Variants in PRORP observed in about 807,000 individuals in gnomAD.
PRORP encodes mitochondrial ribonuclease P catalytic subunit.
In PRORP, 51 loss-of-function variants were observed where a neutral mutation model predicts 59.4. The ratio of observed to expected loss-of-function variants is 0.86; its 90% CI spans 0.69 to 1.08. The LOEUF (loss-of-function observed/expected upper bound fraction) is 1.08. Ranked by LOEUF, PRORP falls within the 50% of genes least tolerant of loss-of-function variation. The pLI is 0.00. For synonymous variants in PRORP, 231 were observed against 245.6 expected, an observed-to-expected ratio of 0.94 and a Z score of 0.55; for missense variants, 646 against 690.3, an observed-to-expected ratio of 0.94 and a Z score of 0.72.
In PRORP at chr14:35,275,484, A is replaced by T. The variant is rs1594368805; in HGVS notation, c.*1918A>T. On this transcript the variant is annotated 3_prime_UTR_variant, in exon 8 of 8. Coordinates refer to ENST00000534898, the MANE Select transcript of PRORP (RefSeq NM_014672.4). Reference sequence around the variant, plus strand: ...AAAGATACTGCAAAAGCTCTAATAAATTCAGTCTGCTTATTTTCCAAATTT... The same window carrying T: ...AAAGATACTGCAAAAGCTCTAATAATTTCAGTCTGCTTATTTTCCAAATTT... The T allele has an allele frequency of 6.6e-6, 1 of 152,364 alleles. No homozygotes were observed. Among genetic ancestry groups the T allele is most frequent in the Non-Finnish European group, 1.5e-5 (1 of 68,032 alleles). The allele number at this position is 152,364 out of a possible 1,614,324, so 9.4% of individuals were successfully genotyped here.
intron 4 of PRORP, among the ~76,000 whole-genome samples, chr14:35,136,243 C>A (rs1033652956): frequency 6.6e-6 from 1 of 152,134 alleles, no homozygotes; most frequent in East Asian, 1.9e-4. Flanking sequence ...TTCAGGTTTT[C>A]GGCTTGGGTG....
At position 35,277,482 on chromosome 14, in the gene PRORP, T is replaced by C. The variant is rs1225160692; in HGVS notation, c.*3916T>C. The C allele has an allele frequency of 6.6e-6, 1 of 152,214 alleles. No homozygotes were observed. The highest frequency in any genetic ancestry group is 6.5e-5 in the Admixed American group (1 of 15,278). The allele number at this position is 152,214 out of a possible 1,614,324, so 9.4% of individuals were successfully genotyped here. On this transcript the variant is annotated 3_prime_UTR_variant, in exon 8 of 8. Coordinates refer to ENST00000534898, the MANE Select transcript of PRORP (RefSeq NM_014672.4). ...CAGTCCTGGCCAGTGACAAGCAGTCTGCTTGAGTCTGTGCTAAATAAACAA... is the reference window on the plus strand; with the variant it reads ...CAGTCCTGGCCAGTGACAAGCAGTCCGCTTGAGTCTGTGCTAAATAAACAA...
At chr14:35,231,508 A>G (rs1006145427) in intron 5 of PRORP, among the ~76,000 whole-genome samples, 1 of 152,208 alleles carries the variant, frequency 6.6e-6, no homozygotes, top group Non-Finnish European at 1.5e-5. Context: ...TGGAAATTAT[A>G]CATGAGCTAT....
chr14:35,122,240 C>T (rs1041927136), upstream of PRORP: 6 of 448,412 alleles, frequency 1.3e-5, no homozygotes, highest in East Asian at 1.9e-4. Context: ...ATTTTAAAGG[C>T]CACGATAAGC....
chr14:35,225,353 T>C (rs1286052762), intron 5 of PRORP, among the ~76,000 whole-genome samples: 1 of 152,148 alleles, frequency 6.6e-6, no homozygotes, highest in Non-Finnish European at 1.5e-5. Flanking sequence ...GTATTTTTTT[T>C]TCTTTTTTTT....
At chr14:35,128,665 G>T (rs2047157802) in intron 4 of PRORP, among the ~76,000 whole-genome samples, 1 of 151,956 alleles carries the variant, frequency 6.6e-6, no homozygotes, top group African/African-American at 2.4e-5. Context: ...TTGAATTTCT[G>T]CAGTATTTGT....
chr14:35,137,240 G>C (rs1440211405), intron 4 of PRORP, among the ~76,000 whole-genome samples: 1 of 144,174 alleles, frequency 6.9e-6, no homozygotes, highest in African/African-American at 2.4e-5. Context: ...GCTTGTGCCT[G>C]TTTGGAGGAT....
chr14:35,243,350 A>G (rs1473035218), intron 5 of PRORP, among the ~76,000 whole-genome samples: 2 of 152,018 alleles, frequency 1.3e-5, no homozygotes, highest in Admixed American at 6.6e-5. Flanking sequence ...TATGAGCAAC[A>G]TAGTGAGACT....
intron 5 of PRORP, among the ~76,000 whole-genome samples, chr14:35,233,291 C>T (rs1328354936): frequency 6.7e-6 from 1 of 149,974 alleles, no homozygotes; most frequent in African/African-American, 2.5e-5. Flanking sequence ...TATTATTTTT[C>T]TACATCTCTC....
intron 5 of PRORP, among the ~76,000 whole-genome samples, chr14:35,266,352 C>G (rs1026091264): frequency 6.6e-6 from 1 of 151,230 alleles, no homozygotes; most frequent in Non-Finnish European, 1.5e-5. Context: ...AGACGTGGTG[C>G]ACGTCTGTGG....
chr14:35,192,302 A>G (rs2048903522), intron 5 of PRORP, among the ~76,000 whole-genome samples: 1 of 152,130 alleles, frequency 6.6e-6, no homozygotes, highest in South Asian at 2.1e-4. Flanking sequence ...AGCACCTCAA[A>G]GGTCTTTCTT....
intron 5 of PRORP, among the ~76,000 whole-genome samples, chr14:35,183,284 G>A (rs1231866869): frequency 3.3e-5 from 5 of 151,790 alleles, no homozygotes; most frequent in African/African-American, 1.2e-4. Flanking sequence ...TGGGAATTGG[G>A]GATAGAATAC....
Position 35,145,743 on chromosome 14 carries a change from A to AGGAG in PRORP, c.1167+18135_1167+18136insGGGA, listed in dbSNP as rs755591986. 4.3e-5 allele frequency among the ~76,000 whole-genome samples: 6 copies of AGGAG among 141,000 alleles called. 1 individual carries two copies. In the South Asian group the frequency reaches 1.2e-3, roughly 28 times the overall value. The allele number at this position is 141,000 out of a possible 152,430, so 92.5% of individuals were successfully genotyped here. A position where few individuals can be genotyped will look rare whatever the true frequency, so the allele number is the denominator to read the frequency against. Reference sequence around the variant, plus strand: ...CAAAAAAGAAAGAAAGAAGGAAGGAAGGAAGGAAGGAAGGAAACAGCCCAC... The same window carrying AGGAG: ...CAAAAAAGAAAGAAAGAAGGAAGGAAGGAGGGAAGGAAGGAAGGAAACAGCCCAC... On this transcript the variant is annotated intron_variant, in intron 4 of 7. Coordinates refer to ENST00000534898, the MANE Select transcript of PRORP (RefSeq NM_014672.4).
intron 5 of PRORP, among the ~76,000 whole-genome samples, chr14:35,199,023 C>T (rs1413316866): frequency 6.6e-6 from 1 of 152,172 alleles, no homozygotes; most frequent in Non-Finnish European, 1.5e-5. Flanking sequence ...AAAAAATTAG[C>T]TAGGCCTGGT....
chr14:35,183,822 T>C (rs2048678384), intron 5 of PRORP, among the ~76,000 whole-genome samples: 3 of 152,120 alleles, frequency 2.0e-5, no homozygotes, highest in Admixed American at 2.0e-4. Context: ...TTCTTCCCCA[T>C]TTTTTAGGTC....
chr14:35,167,051 C>T (rs924374505), intron 4 of PRORP, among the ~76,000 whole-genome samples: 2 of 152,128 alleles, frequency 1.3e-5, no homozygotes, highest in African/African-American at 2.4e-5. Context: ...CTCTGAACAG[C>T]TTATGAAAGA....
In PRORP at chr14:35,123,509, A is replaced by G. The variant is rs759615384; in HGVS notation, c.264A>G (p.Gly88=). 4 of 1,614,138 alleles carry G rather than the reference A, an allele frequency of 2.5e-6. No individual in the cohort carries two copies. In the South Asian group the frequency reaches 4.4e-5, roughly 18 times the overall value. The stretch of plus-strand genomic sequence containing the variant: ...CTGTTCCTCATTTTTTTTTAGCTGG[A>G]GCAGCTAAGGAGAGATCACAGATGA... ...VYSVPHFFLA[G]AAKERSQMNS... The change falls in exon 2 of 8, where the codon GGA becomes GGG. Residue 88 remains glycine, a synonymous_variant. Coordinates refer to ENST00000534898, the MANE Select transcript of PRORP (RefSeq NM_014672.4).
chr14:35,178,213 A>T (rs778936564), intron 4 of PRORP, among the ~76,000 whole-genome samples: 211 of 152,170 alleles, frequency 1.4e-3, no homozygotes, highest in Non-Finnish European at 2.0e-3. Context: ...GAAGAATGTA[A>T]ATTCTGTTGA....
At chr14:35,236,071 G>C (rs2050202780) in intron 5 of PRORP, among the ~76,000 whole-genome samples, 1 of 144,728 alleles carries the variant, frequency 6.9e-6, no homozygotes, top group South Asian at 2.2e-4. Context: ...ACTCCAACCT[G>C]GGCAACACAG....
Sources: gnomAD v4.1 joint callset for allele counts (sites outside exome capture counted in the v4.1 genomes callset) on GRCh38, gnomAD v4.1.1 for gene constraint, MANE v1.5 for transcripts, NCBI Gene and HGNC (gene_info 2026-07-23, HGNC 2026-07-21) for gene names.